PCDHGA7: variants seen among roughly 807,000 people sequenced by gnomAD.
PCDHGA7 encodes protocadherin gamma subfamily A, 7, also known as protocadherin gamma-A7.
Under a neutral mutation model 58.3 loss-of-function variants are expected in PCDHGA7, and 44 were observed. That is an observed-to-expected ratio of 0.75 (90% CI 0.59 to 0.97). The LOEUF (loss-of-function observed/expected upper bound fraction) is 0.97, where lower values mean the gene tolerates loss of function less well. Ranked by LOEUF, PCDHGA7 falls within the 50% of genes least tolerant of loss-of-function variation. The pLI is 0.00. For synonymous variants in PCDHGA7, 516 were observed against 504.2 expected (o/e 1.02, Z -0.31); for missense variants, 1,266 against 1,188.7 (o/e 1.06, Z -0.96).
In PCDHGA7 at chr5:141,511,406, G is replaced by C; in HGVS notation, c.*233G>C. The C allele has an allele frequency of 1.1e-6, 1 of 942,018 alleles. No individual in the cohort carries two copies. The highest frequency in any genetic ancestry group is 1.7e-5 in the African/African-American group (1 of 60,280). The allele number at this position is 942,018 out of a possible 1,614,324, so 58.4% of individuals were successfully genotyped here. ...GCTGGGAACCCCCATCCAATCAACT[G>C]CTGTACCCATGGGGGTAGTGGGGTT... On this transcript the variant is annotated 3_prime_UTR_variant, in exon 4 of 4. Coordinates refer to ENST00000518325, the MANE Select transcript of PCDHGA7 (RefSeq NM_018920.4).
intron 1 of PCDHGA7, chr5:141,419,669 C>T: frequency 6.2e-7 from 1 of 1,612,840 alleles, no homozygotes; most frequent in Non-Finnish European, 8.5e-7. Context: ...CAATGCCTGG[C>T]TGTCCTACCA....
At position 141,490,208 on chromosome 5, in the gene PCDHGA7, G is replaced by A. The variant is rs745796427; in HGVS notation, c.2425-4599G>A. On this transcript the variant is annotated intron_variant, in intron 1 of 3. Coordinates refer to ENST00000518325, the MANE Select transcript of PCDHGA7 (RefSeq NM_018920.4). The surrounding 1 kb of genome is among the most constrained non-coding windows in gnomAD (Gnocchi z 5.4). ...TTCTATGAAATTCATGCAAGAGCCC[G>A]TGACCAGGGACAGCCTGCCATGGAG... 44 of 1,614,120 alleles carry A rather than the reference G, an allele frequency of 2.7e-5. No individual in the cohort carries two copies. The Admixed American group carries it at 4.5e-4, about 17-fold the overall frequency.
rs1026815375 is a variant in PCDHGA7, at chr5:141,481,045, G to A, written c.2425-13762G>A. 4.6e-5 allele frequency among the ~76,000 whole-genome samples: 7 copies of A among 152,024 alleles called. No individual in the cohort carries two copies. In the South Asian group the frequency reaches 8.3e-4, roughly 18 times the overall value. ...TGCACTCCAGCCTGGGCGACAGAGCGAGACTCCACCTCAAAAACAAAAAGA... is the reference window on the plus strand; with the variant it reads ...TGCACTCCAGCCTGGGCGACAGAGCAAGACTCCACCTCAAAAACAAAAAGA... On this transcript the variant is annotated intron_variant, in intron 1 of 3. Coordinates refer to ENST00000518325, the MANE Select transcript of PCDHGA7 (RefSeq NM_018920.4).
chr5:141,500,430 C>T (rs2099800127), intron 2 of PCDHGA7, among the ~76,000 whole-genome samples: 1 of 151,676 alleles, frequency 6.6e-6, no homozygotes, highest in African/African-American at 2.4e-5. Context: ...AGGATGGTCT[C>T]GATCTCCTGA....
chr5:141,473,148 C>T (rs1381616255), intron 1 of PCDHGA7, among the ~76,000 whole-genome samples: 1 of 152,184 alleles, frequency 6.6e-6, no homozygotes, highest in Non-Finnish European at 1.5e-5. Flanking sequence ...CTCTTCAGAT[C>T]ACTAGGGCTA....
intron 1 of PCDHGA7, among the ~76,000 whole-genome samples, chr5:141,492,080 G>A (rs576661909): frequency 6.6e-6 from 1 of 152,352 alleles, no homozygotes; most frequent in African/African-American, 2.4e-5. Context: ...GCCGGCTCCG[G>A]CACGCTTCGC....
At chr5:141,385,492 A>T in intron 1 of PCDHGA7, 169 bp downstream of exon 1, 15 of 1,394,884 alleles carry the variant, frequency 1.1e-5, no homozygotes, top group Non-Finnish European at 1.4e-5. Flanking sequence ...AACACATAGG[A>T]TATAGTATTT....
chr5:141,495,103 C>T (rs1383918796), intron 2 of PCDHGA7, among the ~76,000 whole-genome samples: 2 of 152,132 alleles, frequency 1.3e-5, no homozygotes, highest in Non-Finnish European at 2.9e-5. Context: ...TCGCCACGAC[C>T]GGCACCTTTT....
chr5:141,411,910 C>T (rs1248743908), intron 1 of PCDHGA7: 2 of 152,164 alleles, frequency 1.3e-5, no homozygotes, highest in East Asian at 1.9e-4. Context: ...TGCCTTTGCA[C>T]TCAGTCTCTG....
At chr5:141,415,772 T>TTTTTTTTG in intron 1 of PCDHGA7, 1 of 1,332,986 alleles carries the variant, frequency 7.5e-7, no homozygotes. Context: ...TTTTTTTTTT[T>TTTTTTTTG]ACTTTCTGGT....
intron 1 of PCDHGA7, chr5:141,389,907 G>T (rs779604388): frequency 6.2e-7 from 1 of 1,614,082 alleles, no homozygotes; most frequent in Non-Finnish European, 8.5e-7. Context: ...GGATATCACT[G>T]ACCGCCCCGA....
At chr5:141,413,092 T>C in intron 1 of PCDHGA7, 1 of 1,429,614 alleles carries the variant, frequency 7.0e-7, no homozygotes, top group Non-Finnish European at 9.4e-7. Context: ...AGAGACACCC[T>C]GAAGCCACAG....
intron 1 of PCDHGA7, chr5:141,400,348 C>T (rs745917638): frequency 1.9e-6 from 3 of 1,614,050 alleles, no homozygotes; most frequent in South Asian, 1.1e-5. Context: ...CAACTACAGT[C>T]AGGGGACTTT....
chr5:141,445,456 T>A (rs921684111), intron 1 of PCDHGA7, among the ~76,000 whole-genome samples: 8 of 152,218 alleles, frequency 5.3e-5, no homozygotes, highest in Non-Finnish European at 1.0e-4. Flanking sequence ...GATGCAGCAA[T>A]GAACAAGGCA....
rs373424450 is a variant in PCDHGA7, at chr5:141,450,829, AT to A, written c.2425-43965del. 1.1e-3 allele frequency among the ~76,000 whole-genome samples: 154 copies of A among 135,102 alleles called. 1 individual carries two copies. Among genetic ancestry groups the A allele is most frequent in the South Asian group, 8.9e-3 (38 of 4,254 alleles). 88.6% of individuals were successfully genotyped at this position (135,102 alleles called of 152,430 possible). ...TTATTTATTTAATATTATTATTATTATTTTTTTTTTTTTGAGATGGGGTCTT... is the reference window on the plus strand; with the variant it reads ...TTATTTATTTAATATTATTATTATTATTTTTTTTTTTTGAGATGGGGTCTT... On this transcript the variant is annotated intron_variant, in intron 1 of 3. Transcript: ENST00000518325.
chr5:141,454,081 T>C (rs1009599234), intron 1 of PCDHGA7, among the ~76,000 whole-genome samples: 2 of 152,198 alleles, frequency 1.3e-5, no homozygotes, highest in African/African-American at 4.8e-5. Flanking sequence ...ATGTTTTCAG[T>C]GAAATTTGAA....
chr5:141,468,505 C>A (rs1293623271), intron 1 of PCDHGA7: 1 of 152,020 alleles, frequency 6.6e-6, no homozygotes, highest in East Asian at 1.9e-4. Context: ...TTCATGTGGA[C>A]AAATTTAGTA....
intron 1 of PCDHGA7, chr5:141,478,198 ACTT>A (rs2099438516): frequency 1.2e-6 from 2 of 1,613,746 alleles, no homozygotes; most frequent in African/African-American, 1.3e-5. Context: ...CCTTTTATCT[ACTT>A]CTTTCTCTAA....
Position 141,388,677 on chromosome 5 carries a change from A to G in PCDHGA7, c.2424+3354A>G, listed in dbSNP as rs369048942. 2.1e-5 allele frequency: 34 copies of G among 1,613,854 alleles called. 1 individual carries two copies. Among genetic ancestry groups the G allele is most frequent in the African/African-American group, 2.7e-5 (2 of 74,914 alleles). ...CCCGGGGACCACGGTGCTACAGGTGACTGCCACGGACCAGGATGAGGGTGT... is the reference window on the plus strand; with the variant it reads ...CCCGGGGACCACGGTGCTACAGGTGGCTGCCACGGACCAGGATGAGGGTGT... On this transcript the variant is annotated intron_variant, in intron 1 of 3. Transcript: ENST00000518325.
Sources: allele counts gnomAD v4.1 joint callset (sites outside exome capture counted in the v4.1 genomes callset), GRCh38; gene constraint gnomAD v4.1.1; non-coding constraint Gnocchi (gnomAD v3.1); transcripts MANE v1.5; gene names NCBI Gene and HGNC (gene_info 2026-07-23, HGNC 2026-07-21).